KLHL20: variants seen among roughly 807,000 people sequenced by gnomAD.
KLHL20 encodes the protein kelch-like protein 20.
Under a neutral mutation model 69.5 loss-of-function variants are expected in KLHL20, and 29 were observed. The ratio of observed to expected loss-of-function variants is 0.42; its 90% CI spans 0.31 to 0.57. KLHL20 has a LOEUF of 0.57. Ranked by LOEUF, KLHL20 falls within the 20% of genes least tolerant of loss-of-function variation. The pLI is 0.18. For missense variants in KLHL20, 419 were observed against 776.0 expected, an observed-to-expected ratio of 0.54 and a Z score of 5.47; for synonymous variants, 253 against 265.2, an observed-to-expected ratio of 0.95 and a Z score of 0.45.
chr1:173,761,439 A>G (rs994569192), intron 7 of KLHL20, among the ~76,000 whole-genome samples: 1 of 152,222 alleles, frequency 6.6e-6, no homozygotes, highest in Non-Finnish European at 1.5e-5. Flanking sequence ...TACACATTCT[A>G]TTCAACAGCT....
chr1:173,778,045 T>G (rs544987113), intron 10 of KLHL20, among the ~76,000 whole-genome samples: 1 of 152,318 alleles, frequency 6.6e-6, no homozygotes, highest in East Asian at 1.9e-4. Context: ...GTCCTGGGCT[T>G]TTCTTTGCCG....
intron 8 of KLHL20, among the ~76,000 whole-genome samples, chr1:173,769,160 T>A (rs566330490): frequency 6.6e-6 from 1 of 152,326 alleles, no homozygotes; most frequent in Admixed American, 6.5e-5. Context: ...CTGTGCATTG[T>A]AGGATGTTTA....
intron 2 of KLHL20, among the ~76,000 whole-genome samples, chr1:173,722,746 G>A (rs1309968704): frequency 8.1e-5 from 12 of 148,500 alleles, no homozygotes; most frequent in East Asian, 2.0e-4. Context: ...GAGTAGTGCA[G>A]TGGCACAATC....
chr1:173,748,665 G>C (rs1673172934), intron 3 of KLHL20, among the ~76,000 whole-genome samples: 2 of 151,986 alleles, frequency 1.3e-5, no homozygotes, highest in Admixed American at 1.3e-4. Context: ...ACCCCACTGG[G>C]TGCAGCACAC....
chr1:173,757,658 CCTT>C (rs1427505159), intron 7 of KLHL20, among the ~76,000 whole-genome samples: 5 of 148,886 alleles, frequency 3.4e-5, no homozygotes, highest in Admixed American at 6.7e-5. Flanking sequence ...GAGCGAGACT[CCTT>C]CTCAAAAAAA....
chr1:173,745,178 T>C (rs2102489551), intron 3 of KLHL20, among the ~76,000 whole-genome samples: 1 of 138,928 alleles, frequency 7.2e-6, no homozygotes, highest in South Asian at 2.2e-4. Flanking sequence ...TTCTTTTTTT[T>C]TTTTTTTTTT....
chr1:173,718,076 G>A (rs1268984160), intron 2 of KLHL20, among the ~76,000 whole-genome samples: 3 of 152,066 alleles, frequency 2.0e-5, no homozygotes, highest in African/African-American at 4.8e-5. Flanking sequence ...TATATAAGAT[G>A]TCTTCTCTTT....
chr1:173,780,855 G>A (rs1216932203), intron 10 of KLHL20, among the ~76,000 whole-genome samples: 9 of 151,700 alleles, frequency 5.9e-5, no homozygotes, highest in South Asian at 2.1e-4. Context: ...TCAGCCTCCC[G>A]AGTAGCTAGG....
intron 2 of KLHL20, among the ~76,000 whole-genome samples, chr1:173,725,398 A>C (rs1464833740): frequency 1.3e-5 from 2 of 152,188 alleles, no homozygotes. Flanking sequence ...ATGCTAGATG[A>C]TCCAGTGATC....
At chr1:173,757,286 A>G (rs775852122) in intron 7 of KLHL20, 127 bp downstream of exon 7, 9 of 823,976 alleles carry the variant, frequency 1.1e-5, no homozygotes, top group Non-Finnish European at 1.7e-5. Context: ...AACCTAAACA[A>G]GTTAGTATGA....
chr1:173,729,985 C>G (rs1028578400), intron 2 of KLHL20, among the ~76,000 whole-genome samples: 2 of 152,120 alleles, frequency 1.3e-5, no homozygotes, highest in African/African-American at 2.4e-5. Context: ...ATCTCAGCCC[C>G]AAATCTCCTT....
intron 3 of KLHL20, among the ~76,000 whole-genome samples, chr1:173,738,725 G>C (rs1030240118): frequency 6.6e-6 from 1 of 152,088 alleles, no homozygotes; most frequent in Non-Finnish European, 1.5e-5. Flanking sequence ...TTTGTCAAAT[G>C]CTTTTTATGT....
intron 3 of KLHL20, among the ~76,000 whole-genome samples, chr1:173,736,830 A>G (rs1440145324): frequency 2.0e-5 from 3 of 152,124 alleles, no homozygotes; most frequent in East Asian, 1.9e-4. Context: ...TCCTGACCTC[A>G]GGTGATCTGC....
intron 8 of KLHL20, among the ~76,000 whole-genome samples, chr1:173,773,117 T>C (rs1018323249): frequency 1.3e-5 from 2 of 152,118 alleles, no homozygotes; most frequent in Non-Finnish European, 2.9e-5. Context: ...AATGCCGCTA[T>C]GCCTGGCTAA....
chr1:173,782,045 G>A, intron 10 of KLHL20, 79 bp from the exon 11 acceptor site: 1 of 966,560 alleles, frequency 1.0e-6, no homozygotes, highest in Non-Finnish European at 1.6e-6. Flanking sequence ...TTTGTAAATA[G>A]ATTTATCTAG....
chr1:173,730,607 C>G (rs2102466959), intron 2 of KLHL20, among the ~76,000 whole-genome samples: 1 of 152,242 alleles, frequency 6.6e-6, no homozygotes, highest in South Asian at 2.1e-4. Context: ...CTGAGAAAAA[C>G]AAGCAATGGG....
intron 3 of KLHL20, among the ~76,000 whole-genome samples, chr1:173,751,092 G>A (rs1176922784): frequency 6.6e-6 from 1 of 152,050 alleles, no homozygotes; most frequent in Non-Finnish European, 1.5e-5. Flanking sequence ...CCTCTGCGTT[G>A]CACCCTGTCC....
chr1:173,741,123 C>T (rs1558194787), intron 3 of KLHL20, among the ~76,000 whole-genome samples: 1 of 152,174 alleles, frequency 6.6e-6, no homozygotes, highest in East Asian at 1.9e-4. Flanking sequence ...GTGGGCTTTG[C>T]CCTTCTCATA....
rs563182009 is a variant in KLHL20 at position 173,735,383 on chromosome 1, T to G, written c.597+1097T>G. On this transcript the variant is annotated intron_variant, in intron 3 of 11. Coordinates refer to ENST00000209884, the MANE Select transcript of KLHL20 (RefSeq NM_014458.4). ...ATGGCTTGAGCCCAGGAGGTAGAGG[T>G]TGCAGTGAGCCAAGATCGTGCCACT... Among the ~76,000 whole-genome samples the G allele has an allele frequency of 4.0e-4, 61 of 151,626 alleles. No homozygotes were observed. The South Asian group carries it at 7.8e-3, about 19-fold the overall frequency.
Sources: allele counts gnomAD v4.1 joint callset (sites outside exome capture counted in the v4.1 genomes callset), GRCh38; gene constraint gnomAD v4.1.1; transcripts MANE v1.5; gene names NCBI Gene and HGNC (gene_info 2026-07-23, HGNC 2026-07-21).